Variants in PTPRD observed in about 807,000 individuals in gnomAD.
PTPRD encodes protein tyrosine phosphatase receptor type D, also known as receptor-type tyrosine-protein phosphatase delta.
A neutral mutation model predicts 214.5 loss-of-function variants in PTPRD; 34 were observed. The ratio of observed to expected loss-of-function variants is 0.16; its 90% CI spans 0.12 to 0.21. The LOEUF (loss-of-function observed/expected upper bound fraction) is 0.21, where lower values mean the gene tolerates loss of function less well. Among genes scored for constraint, PTPRD ranks in the 10% least tolerant of loss-of-function variants. The pLI is 1.00. For missense variants in PTPRD, 2,545 were observed against 2,398.7 expected (o/e 1.06, Z -1.27); for synonymous variants, 1,128 against 845.7 (o/e 1.33, Z -5.79).
At chr9:9,224,872 T>C (rs974035162) in intron 9 of PTPRD, among the ~76,000 whole-genome samples, 1 of 152,044 alleles carries the variant, frequency 6.6e-6, no homozygotes, top group Non-Finnish European at 1.5e-5. Flanking sequence ...TTGATACATT[T>C]GCTAATTGCT....
chr9:9,477,152 A>G (rs1375147793), intron 8 of PTPRD, among the ~76,000 whole-genome samples: 1 of 152,222 alleles, frequency 6.6e-6, no homozygotes, highest in African/African-American at 2.4e-5. Context: ...TGGAAAAGAC[A>G]GTATTTATAC....
intron 3 of PTPRD, among the ~76,000 whole-genome samples, chr9:10,162,706 C>T (rs1396967199): frequency 6.9e-6 from 1 of 144,716 alleles, no homozygotes; most frequent in East Asian, 2.0e-4. Flanking sequence ...TATACATATA[C>T]ACGTATATAT....
chr9:9,941,495 G>A (rs575456580), intron 4 of PTPRD, among the ~76,000 whole-genome samples: 6 of 152,118 alleles, frequency 3.9e-5, no homozygotes, highest in East Asian at 1.9e-4. Context: ...GGTAATTTTT[G>A]TATTTTTAGT....
At chr9:9,006,338 T>C (rs747352657) in intron 11 of PTPRD, among the ~76,000 whole-genome samples, 5 of 152,100 alleles carry the variant, frequency 3.3e-5, no homozygotes, top group Non-Finnish European at 5.9e-5. Flanking sequence ...CTTTTTGTTC[T>C]TCTTCTTGTT....
At chr9:8,741,869 G>A (rs576887650) in intron 11 of PTPRD, among the ~76,000 whole-genome samples, 10 of 152,060 alleles carry the variant, frequency 6.6e-5, no homozygotes, top group African/African-American at 1.7e-4. Context: ...GATTACAGGC[G>A]TGAGCCACCG....
At position 10,283,413 on chromosome 9, in the gene PTPRD, G is replaced by A. The variant is rs116932700; in HGVS notation, c.-545+57550C>T. Among the ~76,000 whole-genome samples, 3 of 152,266 alleles carry A rather than the reference G, an allele frequency of 2.0e-5. No homozygotes were observed. The South Asian group carries it at 6.2e-4, about 32-fold the overall frequency. On this transcript the variant is annotated intron_variant, in intron 3 of 45. Transcript: ENST00000381196. ...TATTTATCCCTAGAAATAAGACGAGGTCCTCAACACGATAAGAATTCAATA... is the reference window on the plus strand; with the variant it reads ...TATTTATCCCTAGAAATAAGACGAGATCCTCAACACGATAAGAATTCAATA...
intron 37 of PTPRD, among the ~76,000 whole-genome samples, chr9:8,384,790 C>T (rs963412003): frequency 6.6e-5 from 10 of 152,232 alleles, no homozygotes; most frequent in Admixed American, 1.3e-4. Context: ...CCTCTCAAAA[C>T]GCTGAGATTA....
At chr9:9,129,576 T>C (rs2099839439) in intron 10 of PTPRD, among the ~76,000 whole-genome samples, 1 of 152,130 alleles carries the variant, frequency 6.6e-6, no homozygotes, top group Non-Finnish European at 1.5e-5. Context: ...ATGACCAGAT[T>C]TACAAATTTT....
chr9:10,401,848 T>G (rs980908018), intron 2 of PTPRD, among the ~76,000 whole-genome samples: 9 of 151,152 alleles, frequency 6.0e-5, no homozygotes, highest in Admixed American at 1.3e-4. Context: ...CCAAGTTTCT[T>G]TAAATTCCTA....
chr9:8,512,310 A>G (rs1592414140), intron 21 of PTPRD, among the ~76,000 whole-genome samples: 1 of 152,120 alleles, frequency 6.6e-6, no homozygotes, highest in Admixed American at 6.5e-5. Context: ...CACAAGCATC[A>G]GCACAAATCT....
rs535224908 is a variant in PTPRD, at chr9:9,777,535, A to G, written c.-367-10684T>C. Among the ~76,000 whole-genome samples the G allele has an allele frequency of 2.6e-5, 4 of 152,228 alleles. No individual in the cohort carries two copies. The East Asian group carries it at 7.7e-4, about 29-fold the overall frequency. On this transcript the variant is annotated intron_variant, in intron 5 of 45. Transcript: ENST00000381196. ...CATGAAAAAACCCTGCCTTTAAAGA[A>G]GAAAACACAAAATTTAGCCAGTTAT...
At chr9:9,950,077 C>G (rs1175803621) in intron 4 of PTPRD, among the ~76,000 whole-genome samples, 1 of 152,180 alleles carries the variant, frequency 6.6e-6, no homozygotes, top group Non-Finnish European at 1.5e-5. Flanking sequence ...ATATCAGACA[C>G]ATTTCCTGTA....
intron 3 of PTPRD, among the ~76,000 whole-genome samples, chr9:10,075,960 C>A (rs1170757494): frequency 2.0e-5 from 3 of 152,014 alleles, no homozygotes; most frequent in Non-Finnish European, 4.4e-5. Context: ...CATGGAGTAG[C>A]AAAAATATTC....
chr9:9,280,728 C>G (rs917107742), intron 9 of PTPRD, among the ~76,000 whole-genome samples: 1 of 151,224 alleles, frequency 6.6e-6, no homozygotes, highest in African/African-American at 2.4e-5. Flanking sequence ...AGACTTAATA[C>G]AATCCTAATA....
intron 11 of PTPRD, among the ~76,000 whole-genome samples, chr9:8,817,527 A>T (rs2096945807): frequency 6.6e-6 from 1 of 152,054 alleles, no homozygotes; most frequent in South Asian, 2.1e-4. Flanking sequence ...GCTCCTTGGG[A>T]GGCTGAGGTA....
chr9:8,826,990 T>G (rs2097189107), intron 11 of PTPRD, among the ~76,000 whole-genome samples: 1 of 151,874 alleles, frequency 6.6e-6, no homozygotes, highest in Non-Finnish European at 1.5e-5. Context: ...ACTGGCAGAT[T>G]TCTTCTCACT....
chr9:8,668,300 G>C (rs574378579), intron 12 of PTPRD, among the ~76,000 whole-genome samples: 1 of 152,208 alleles, frequency 6.6e-6, no homozygotes, highest in Admixed American at 6.5e-5. Flanking sequence ...ACCTAAAAGA[G>C]GCTTTAATTA....
chr9:10,151,555 C>T (rs915152911), intron 3 of PTPRD, among the ~76,000 whole-genome samples: 1 of 151,946 alleles, frequency 6.6e-6, no homozygotes, highest in African/African-American at 2.4e-5. Flanking sequence ...GCCACCGTGC[C>T]CAATCTTTTT....
At chr9:9,400,601 A>G (rs1448830945) in intron 8 of PTPRD, among the ~76,000 whole-genome samples, 1 of 152,000 alleles carries the variant, frequency 6.6e-6, no homozygotes, top group Non-Finnish European at 1.5e-5. Context: ...CAGAATTTTG[A>G]TTAGCTCCTG....
Sources: allele counts gnomAD v4.1 joint callset (sites outside exome capture counted in the v4.1 genomes callset), GRCh38; gene constraint gnomAD v4.1.1; transcripts MANE v1.5; gene names NCBI Gene and HGNC (gene_info 2026-07-23, HGNC 2026-07-21).